Variants in ARHGEF28 observed in about 807,000 individuals in gnomAD.
ARHGEF28 encodes the protein 190 kDa guanine nucleotide exchange factor.
In ARHGEF28, 152 loss-of-function variants were observed where a neutral mutation model predicts 206.6. The observed-to-expected ratio is 0.74, with a 90% CI of 0.64 to 0.84. ARHGEF28 has a LOEUF of 0.84. ARHGEF28 is among the 40% of genes least tolerant of loss of function. The probability of loss-of-function intolerance (pLI) is 0.00; values close to 1 mark genes in which losing one functional copy is unlikely to be tolerated. For synonymous variants in ARHGEF28, 763 were observed against 776.4 expected (o/e 0.98, Z 0.29); for missense variants, 2,028 against 2,073.2 (o/e 0.98, Z 0.42).
At chr5:73,683,474 C>T (rs1747235435) in intron 1 of ARHGEF28, among the ~76,000 whole-genome samples, 1 of 151,814 alleles carries the variant, frequency 6.6e-6, no homozygotes, top group Non-Finnish European at 1.5e-5. Flanking sequence ...TCCTTTCTGT[C>T]TGAGTTCTTT....
intron 9 of ARHGEF28, among the ~76,000 whole-genome samples, chr5:73,828,968 G>A (rs980924635): frequency 6.6e-6 from 1 of 152,050 alleles, no homozygotes; most frequent in East Asian, 1.9e-4. Flanking sequence ...CTACAGGTGT[G>A]CACCACCACA....
intron 2 of ARHGEF28, among the ~76,000 whole-genome samples, chr5:73,746,258 CA>C (rs1751711695): frequency 6.6e-6 from 1 of 151,930 alleles, no homozygotes; most frequent in South Asian, 2.1e-4. Flanking sequence ...GTTAAAAAGT[CA>C]GAAGTACACT....
At chr5:73,824,681 T>C (rs891419544) in intron 9 of ARHGEF28, among the ~76,000 whole-genome samples, 1 of 152,022 alleles carries the variant, frequency 6.6e-6, no homozygotes, top group Non-Finnish European at 1.5e-5. Flanking sequence ...TTGTCCAGGG[T>C]GGTCTTGAAC....
In ARHGEF28 at chr5:73,749,877, A is replaced by G. The variant is rs1169007850; in HGVS notation, c.74A>G (p.Tyr25Cys). 6 of 1,614,050 alleles carry G rather than the reference A, an allele frequency of 3.7e-6. No individual in the cohort carries two copies. Among genetic ancestry groups the G allele is most frequent in the Non-Finnish European group, 4.2e-6 (5 of 1,179,890 alleles). ...MIYAKFDKNV[Y>C]LPEDAEFYFT... is the part of the protein sequence containing the mutation. ...TATGCGAAGTTTGACAAAAATGTGT[A>G]TCTTCCTGAAGATGCTGAGTTTTAC... The change falls in exon 3 of 36, where the codon TAT becomes TGT. Residue 25 changes from tyrosine to cysteine, a missense_variant. By Grantham distance (194) the Tyr-to-Cys change is radical (BLOSUM62 -2). Around this residue, in one of 3 missense-constraint regions of ARHGEF28, gnomAD observed 1,002 missense variants for 1,015.3 expected, o/e 0.99. Transcript: ENST00000513042.
At chr5:73,642,923 A>C (rs1320390504) in intron 1 of ARHGEF28, among the ~76,000 whole-genome samples, 1 of 152,208 alleles carries the variant, frequency 6.6e-6, no homozygotes, top group African/African-American at 2.4e-5. Context: ...GTAAACTTCA[A>C]ACTTGTACAT....
At chr5:73,734,484 T>C (rs1461166892) in intron 2 of ARHGEF28, among the ~76,000 whole-genome samples, 4 of 152,166 alleles carry the variant, frequency 2.6e-5, no homozygotes, top group Non-Finnish European at 5.9e-5. Flanking sequence ...TGATAGAATT[T>C]GTGCATTAAA....
intron 2 of ARHGEF28, among the ~76,000 whole-genome samples, chr5:73,742,809 C>T (rs1288070173): frequency 1.5e-5 from 2 of 135,798 alleles, no homozygotes; most frequent in Admixed American, 8.2e-5. Context: ...CCGGCCTGGG[C>T]GACAGAGCGA....
intron 2 of ARHGEF28, among the ~76,000 whole-genome samples, chr5:73,689,060 A>G (rs1231196518): frequency 6.6e-6 from 1 of 152,218 alleles, no homozygotes; most frequent in East Asian, 1.9e-4. Flanking sequence ...GTTTTTATGT[A>G]GCTTTGTCAA....
intron 11 of ARHGEF28, among the ~76,000 whole-genome samples, chr5:73,843,217 T>A (rs545003804): frequency 2.0e-5 from 3 of 152,314 alleles, no homozygotes; most frequent in South Asian, 4.1e-4. Context: ...ATTTTTCCTC[T>A]GTAGAATATA....
chr5:73,796,036 C>A (rs1365429298), intron 9 of ARHGEF28, among the ~76,000 whole-genome samples: 2 of 152,320 alleles, frequency 1.3e-5, no homozygotes, highest in Middle Eastern at 3.4e-3. Context: ...CCTGAGGACC[C>A]CTTCCTAAAT....
intron 1 of ARHGEF28, among the ~76,000 whole-genome samples, chr5:73,652,446 A>G (rs961608208): frequency 3.9e-5 from 6 of 152,170 alleles, no homozygotes; most frequent in Non-Finnish European, 7.4e-5. Flanking sequence ...CAGGAGTGGG[A>G]ATGAGTGTGG....
At chr5:73,741,536 C>T (rs1362388760) in intron 2 of ARHGEF28, among the ~76,000 whole-genome samples, 1 of 150,278 alleles carries the variant, frequency 6.7e-6, no homozygotes, top group Non-Finnish European at 1.5e-5. Flanking sequence ...TCTCTTTTCT[C>T]AGCCTCCCAA....
chr5:73,711,541 T>C (rs1294108355), intron 2 of ARHGEF28, among the ~76,000 whole-genome samples: 1 of 152,194 alleles, frequency 6.6e-6, no homozygotes, highest in Admixed American at 6.5e-5. Context: ...ATCTTACACA[T>C]ATTTTGTTAG....
intron 27 of ARHGEF28, 144 bp downstream of exon 27, chr5:73,892,374 C>T (rs1360876387): frequency 4.7e-6 from 4 of 856,330 alleles, no homozygotes; most frequent in Non-Finnish European, 7.0e-6. Flanking sequence ...GATAGCCCCC[C>T]ATCTGCAGCT....
At chr5:73,671,711 TATATATATATATATATATATATATATA>T (rs781664050) in intron 1 of ARHGEF28, among the ~76,000 whole-genome samples, 631 of 13,748 alleles carry the variant, frequency 0.046, 10 homozygotes, top group African/African-American at 0.092. Context: ...TATATATATA[TATATATATATATATATATATATATATA>T]TTTTTTTTTT....
intron 16 of ARHGEF28, among the ~76,000 whole-genome samples, chr5:73,863,955 G>T (rs193051593): frequency 1.7e-4 from 26 of 152,078 alleles, no homozygotes; most frequent in African/African-American, 6.3e-4. Context: ...GTTCTTGTTG[G>T]GTCACTGGCA....
chr5:73,656,541 A>G (rs1329990396), intron 1 of ARHGEF28, among the ~76,000 whole-genome samples: 10 of 152,152 alleles, frequency 6.6e-5, no homozygotes, highest in Admixed American at 6.5e-4. Context: ...ACTTCTCACC[A>G]GCACTTTGCT....
At chr5:73,684,504 T>G (rs533394082) in intron 1 of ARHGEF28, among the ~76,000 whole-genome samples, 14 of 152,352 alleles carry the variant, frequency 9.2e-5, no homozygotes, top group African/African-American at 3.4e-4. Flanking sequence ...TTTCTATCTT[T>G]TGGCTATTGT....
At chr5:73,739,814 T>C (rs954141489) in intron 2 of ARHGEF28, among the ~76,000 whole-genome samples, 2 of 140,596 alleles carry the variant, frequency 1.4e-5, no homozygotes, top group Admixed American at 1.5e-4. Flanking sequence ...CTGTCTCTAA[T>C]AATAATAATA....
Sources: gnomAD v4.1 joint callset for allele counts (sites outside exome capture counted in the v4.1 genomes callset) on GRCh38, gnomAD v4.1.1 for gene constraint, gnomAD v4.1.1 regional missense constraint, MANE v1.5 for transcripts, NCBI Gene and HGNC (gene_info 2026-07-23, HGNC 2026-07-21) for gene names.